The following ZC3H12B variants were observed in gnomAD, a reference collection of about 807,000 sequenced individuals.
The protein encoded by ZC3H12B is probable ribonuclease ZC3H12B.
A neutral mutation model predicts 43.9 loss-of-function variants in ZC3H12B; 7 were observed. The observed-to-expected ratio is 0.16, with a 90% CI of 0.09 to 0.30. The LOEUF (loss-of-function observed/expected upper bound fraction) is 0.30. Among genes scored for constraint, ZC3H12B ranks in the 10% least tolerant of loss-of-function variants. The probability of loss-of-function intolerance (pLI) is 1.00; values close to 1 mark genes in which losing one functional copy is unlikely to be tolerated. For missense variants in ZC3H12B, 475 were observed against 670.2 expected (o/e 0.71, Z 3.22); for synonymous variants, 222 against 241.7 (o/e 0.92, Z 0.76).
the ZC3H12B span, chrX:65,328,169 A>G: frequency 9.1e-6 from 2 of 220,837 alleles, no homozygotes; most frequent in Non-Finnish European, 1.9e-5. Flanking sequence ...AAATAATCTC[A>G]GTAGATATGG....
intron 3 of ZC3H12B, among the ~76,000 whole-genome samples, chrX:65,443,720 C>T (rs1052058469): frequency 8.9e-6 from 1 of 112,308 alleles, no homozygotes; most frequent in Non-Finnish European, 1.9e-5. Flanking sequence ...GCCCTCATTC[C>T]TGTAAACCCA....
chrX:65,104,670 G>T, the ZC3H12B span, among the ~76,000 whole-genome samples: 2 of 111,923 alleles, frequency 1.8e-5, no homozygotes, highest in Admixed American at 9.4e-5. Context: ...CATTATCACT[G>T]GTCATTAGAG....
rs1159840122 is a variant in ZC3H12B at position 65,453,359 on chromosome X, CATATATATATATATATATATATATATAT to C, written n.408-35269_408-35242del. 4.9e-3 allele frequency among the ~76,000 whole-genome samples: 132 copies of C among 27,179 alleles called. 1 individual carries two copies. The highest frequency in any genetic ancestry group is 0.037 in the Middle Eastern group (1 of 27). 23.6% of individuals were successfully genotyped at this position (27,179 alleles called of 115,157 possible). A position where few individuals can be genotyped will look rare whatever the true frequency, so the allele number is the denominator to read the frequency against. ...CAATAATATGGAACCAGCTCAAATG[CATATATATATATATATATATATATATAT>C]ATATATATATATATATAAAATAGAA... On this transcript the variant is annotated intron_variant and non_coding_transcript_variant, in intron 3 of 5. Coordinates refer to the ZC3H12B transcript ENST00000617377.
At chrX:65,360,727 C>T in the ZC3H12B span, among the ~76,000 whole-genome samples, 1 of 112,277 alleles carries the variant, frequency 8.9e-6, no homozygotes, top group Non-Finnish European at 1.9e-5. Flanking sequence ...AATATATCTA[C>T]ACAAAGGCTT....
chrX:65,284,308 A>T, the ZC3H12B span, among the ~76,000 whole-genome samples: 1 of 110,589 alleles, frequency 9.0e-6, no homozygotes, highest in Non-Finnish European at 1.9e-5. Context: ...CAAGAAATGT[A>T]ACAATTCTCC....
the ZC3H12B span, among the ~76,000 whole-genome samples, chrX:65,143,794 C>T: frequency 9.1e-6 from 1 of 109,515 alleles, no homozygotes; most frequent in Non-Finnish European, 1.9e-5. Context: ...GTCTGGAACT[C>T]CTGACGTTGG....
chrX:65,489,297 C>T (rs1250800185), exon 1 of ZC3H12B: 11 of 1,209,616 alleles, frequency 9.1e-6, no homozygotes, highest in African/African-American at 5.3e-5. Flanking sequence ...GTTAGTGCCT[C>T]GTGGGCCCAG....
chrX:65,086,971 C>T, the ZC3H12B span, among the ~76,000 whole-genome samples: 1 of 110,206 alleles, frequency 9.1e-6, no homozygotes, highest in African/African-American at 3.3e-5. Flanking sequence ...TCTAATACCC[C>T]ATGCCAGAGC....
the ZC3H12B span, among the ~76,000 whole-genome samples, chrX:65,075,845 A>G: frequency 3.5e-4 from 39 of 111,610 alleles, no homozygotes; most frequent in Non-Finnish European, 5.3e-4. Context: ...TCTCTCTAGG[A>G]AGAAGCCAAG....
the ZC3H12B span, among the ~76,000 whole-genome samples, chrX:65,148,087 C>A: frequency 9.0e-6 from 1 of 110,869 alleles, no homozygotes; most frequent in African/African-American, 3.3e-5. Flanking sequence ...GCTACAGGGG[C>A]CAGCCTGGAG....
the ZC3H12B span, among the ~76,000 whole-genome samples, chrX:65,338,839 A>C: frequency 3.6e-5 from 4 of 112,110 alleles, no homozygotes. Context: ...AACCCTCAAC[A>C]AAATTGGCGT....
the ZC3H12B span, among the ~76,000 whole-genome samples, chrX:65,053,928 A>T: frequency 9.3e-6 from 1 of 107,867 alleles, no homozygotes; most frequent in African/African-American, 3.3e-5. Flanking sequence ...GTCTGTTCAT[A>T]TCCTTCACCC....
the ZC3H12B span, among the ~76,000 whole-genome samples, chrX:65,152,562 C>G: frequency 9.0e-6 from 1 of 111,057 alleles, no homozygotes; most frequent in Non-Finnish European, 1.9e-5. Flanking sequence ...GAACTACAAA[C>G]CACTGCTCAA....
the ZC3H12B span, among the ~76,000 whole-genome samples, chrX:65,345,290 T>C: frequency 8.9e-6 from 1 of 112,161 alleles, no homozygotes; most frequent in Non-Finnish European, 1.9e-5. Context: ...AGACGTGGAC[T>C]CAACCTAAGA....
chrX:65,218,380 A>T, the ZC3H12B span, among the ~76,000 whole-genome samples: 8 of 112,378 alleles, frequency 7.1e-5, no homozygotes, highest in Non-Finnish European at 9.4e-5. Context: ...ACTGTGAATC[A>T]GCTTGCTTTC....
At chrX:65,098,644 G>T in the ZC3H12B span, among the ~76,000 whole-genome samples, 1 of 110,379 alleles carries the variant, frequency 9.1e-6, no homozygotes, top group Non-Finnish European at 1.9e-5. Context: ...AGTGCAAGGG[G>T]CCAGGGACCT....
At chrX:65,460,890 A>G (rs190954472) in intron 3 of ZC3H12B, among the ~76,000 whole-genome samples, 29 of 111,974 alleles carry the variant, frequency 2.6e-4, no homozygotes, top group Middle Eastern at 4.6e-3. Flanking sequence ...GCTTCTGCAC[A>G]GCAAAAGAAG....
chrX:65,200,964 G>A, the ZC3H12B span, among the ~76,000 whole-genome samples: 1 of 111,181 alleles, frequency 9.0e-6, no homozygotes, highest in Non-Finnish European at 1.9e-5. Flanking sequence ...GAGGATTTTT[G>A]CATCGATGTT....
At chrX:65,295,337 T>G in the ZC3H12B span, among the ~76,000 whole-genome samples, 1 of 111,553 alleles carries the variant, frequency 9.0e-6, no homozygotes, top group African/African-American at 3.2e-5. Flanking sequence ...AGATGGAAAT[T>G]TAAAAAATTA....
Sources: allele counts gnomAD v4.1 joint callset (sites outside exome capture counted in the v4.1 genomes callset), GRCh38; gene constraint gnomAD v4.1.1; transcripts MANE v1.5; gene names NCBI Gene and HGNC (gene_info 2026-07-23, HGNC 2026-07-21).